Variants in SP3 observed in about 807,000 individuals in gnomAD.
SP3 encodes the protein Sp3 transcription factor, also known as transcription factor Sp3.
In SP3, 10 loss-of-function variants were observed where a neutral mutation model predicts 70.3. The observed-to-expected ratio is 0.14, with a 90% confidence interval of 0.09 to 0.24. The LOEUF is 0.24. SP3 is among the 10% of genes least tolerant of loss of function. The pLI, the probability that SP3 is intolerant of heterozygous loss-of-function variation, is 1.00. For synonymous variants in SP3, 402 were observed against 333.5 expected (o/e 1.21, Z -2.24); for missense variants, 825 against 914.6 (o/e 0.90, Z 1.26).
intron 4 of SP3, among the ~76,000 whole-genome samples, chr2:173,949,586 A>C (rs547523291): frequency 6.6e-6 from 1 of 152,112 alleles, no homozygotes; most frequent in Non-Finnish European, 1.5e-5. Context: ...AAAAACACCT[A>C]AACAGTACCC....
chr2:173,958,269 TG>T (rs1355584351), intron 3 of SP3, among the ~76,000 whole-genome samples: 2 of 118,804 alleles, frequency 1.7e-5, no homozygotes, highest in Non-Finnish European at 3.4e-5. Context: ...GCACCTAAAG[TG>T]TTTTTTTTTT....
chr2:173,963,862 C>T lies in SP3; in HGVS notation c.178G>A (p.Ala60Thr), dbSNP rs767775725. 3 of 1,507,218 alleles carry T rather than the reference C, an allele frequency of 2.0e-6. No individual in the cohort carries two copies. The highest frequency in any genetic ancestry group is 2.7e-6 in the Non-Finnish European group (3 of 1,125,452). 93.4% of individuals were successfully genotyped at this position (1,507,218 alleles called of 1,614,324 possible). The stretch of plus-strand genomic sequence containing the variant: ...TTGCTGCAGGTAGCGGCCAGCAGAG[C>T]GAGCGGTGACGGCTGAGTGTCCTAC... Reference protein sequence around the residue: ...AAQDTQPSPLALLAATCSKIG... With the variant: ...AAQDTQPSPLTLLAATCSKIG... Residue 60 changes from alanine (A) to threonine (T), a missense_variant, in exon 3 of 7, where the codon GCT (alanine) becomes ACT (threonine). Ala to Thr is a moderately conservative substitution (Grantham distance 58). Around this residue, in one of 4 missense-constraint regions of SP3, gnomAD observed 678 missense variants for 651.6 expected, o/e 1.04. Transcript: ENST00000310015.
intron 4 of SP3, among the ~76,000 whole-genome samples, chr2:173,920,945 T>C (rs1689736763): frequency 6.6e-6 from 1 of 151,968 alleles, no homozygotes; most frequent in African/African-American, 2.4e-5. Context: ...GATAGAAGAG[T>C]GGTGACTGCC....
At position 173,955,569 on chromosome 2, in the gene SP3, G is replaced by A. The variant is rs774329460; in HGVS notation, c.943C>T (p.Arg315Trp). 14 of 1,613,898 alleles carry A rather than the reference G, an allele frequency of 8.7e-6. No homozygotes were observed. Among genetic ancestry groups the A allele is most frequent in the Admixed American group, 1.7e-5 (1 of 60,024 alleles). Residue 315 changes from arginine to tryptophan, a missense_variant, in exon 4 of 7, where the codon CGG becomes TGG. Physicochemically the swap from Arg to Trp is moderately radical, Grantham distance 101. Coordinates refer to ENST00000310015, the MANE Select transcript of SP3 (RefSeq NM_003111.5). The part of the protein sequence containing the change: ...SSDNSERTGE[R>W]VSPDINETNT... ...GTTTCATTAATATCAGGAGAAACCC[G>A]CTCACCAGTCCTTTCTGAATTGTCT...
intron 4 of SP3, among the ~76,000 whole-genome samples, chr2:173,938,828 T>C (rs1690281674): frequency 6.6e-6 from 1 of 152,198 alleles, no homozygotes; most frequent in Non-Finnish European, 1.5e-5. Flanking sequence ...TAATATACCA[T>C]TTATCACATT....
chr2:173,944,422 C>A lies in SP3; in HGVS notation c.1639+10451G>T, dbSNP rs182434131. On this transcript the variant is annotated intron_variant, in intron 4 of 6. Coordinates refer to ENST00000310015, the MANE Select transcript of SP3 (RefSeq NM_003111.5). ...TGGTGGCACACACCTGTAGTCCCAG[C>A]TAACTCAGGAGGATTGCTTGAGCCT... 9.8e-3 allele frequency among the ~76,000 whole-genome samples: 1,486 copies of A among 152,214 alleles called. 16 individuals carry two copies. Among genetic ancestry groups the A allele is most frequent in the South Asian group, 0.015 (70 of 4,814 alleles).
At chr2:173,948,016 T>C (rs554396954) in intron 4 of SP3, among the ~76,000 whole-genome samples, 1 of 152,160 alleles carries the variant, frequency 6.6e-6, no homozygotes, top group Admixed American at 6.5e-5. Context: ...ATTTAAGTCA[T>C]ACCTCAGGAT....
At chr2:173,960,107 C>G (rs1211811956) in intron 3 of SP3, among the ~76,000 whole-genome samples, 2 of 152,162 alleles carry the variant, frequency 1.3e-5, no homozygotes, top group Non-Finnish European at 2.9e-5. Flanking sequence ...GTGGTTGAGG[C>G]TGCAGTGAGT....
intron 3 of SP3, among the ~76,000 whole-genome samples, chr2:173,956,596 G>C (rs746546632): frequency 7.2e-5 from 11 of 152,202 alleles, no homozygotes; most frequent in Admixed American, 5.2e-4. Context: ...GTATAAAAAG[G>C]AAACATAAGC....
chr2:173,939,166 C>A (rs374146427), intron 4 of SP3, among the ~76,000 whole-genome samples: 13 of 152,126 alleles, frequency 8.5e-5, no homozygotes, highest in African/African-American at 3.1e-4. Flanking sequence ...CAGTATCTGG[C>A]ATGCACAGCA....
intron 5 of SP3, among the ~76,000 whole-genome samples, chr2:173,917,361 G>A (rs1689640223): frequency 6.6e-6 from 1 of 152,074 alleles, no homozygotes; most frequent in African/African-American, 2.4e-5. Context: ...AGGATCAGAT[G>A]TAGAAGGAGA....
intron 4 of SP3, among the ~76,000 whole-genome samples, chr2:173,952,257 T>C (rs1239341997): frequency 1.3e-5 from 2 of 151,978 alleles, no homozygotes; most frequent in Non-Finnish European, 2.9e-5. Flanking sequence ...AAAAAAGTGG[T>C]TTTTTAAAGA....
In SP3 at chr2:173,903,779, C is replaced by T. The variant is rs887899431; in HGVS notation, c.*6162G>A. On this transcript the variant is annotated 3_prime_UTR_variant, in exon 7 of 7. Coordinates refer to ENST00000310015, the MANE Select transcript of SP3 (RefSeq NM_003111.5). ...TGAAACTGTAGAGGGACTTCTAAGG[C>T]TTTTAATCAGTTTTCTTGGACACAT... Among the ~76,000 whole-genome samples the T allele has an allele frequency of 6.6e-6, 1 of 152,166 alleles. No homozygotes were observed. Among genetic ancestry groups the T allele is most frequent in the Non-Finnish European group, 1.5e-5 (1 of 68,038 alleles).
intron 4 of SP3, among the ~76,000 whole-genome samples, chr2:173,932,303 T>A (rs11902916): frequency 0.33 from 50,253 of 152,016 alleles, 8,842 homozygotes; most frequent in Non-Finnish European, 0.38. Flanking sequence ...GCAATTGTTC[T>A]GCCTCAGCCT....
Position 173,964,231 on chromosome 2 carries a change from G to C in SP3, c.156+174C>G, listed in dbSNP as rs1270938834. 12 of 480,260 alleles carry C rather than the reference G, an allele frequency of 2.5e-5. No individual in the cohort carries two copies. The East Asian group carries it at 3.2e-4, about 13-fold the overall frequency. 29.7% of individuals were successfully genotyped at this position (480,260 alleles called of 1,614,324 possible). On this transcript the variant is annotated intron_variant, in intron 2 of 6. Transcript: ENST00000310015. ...GCAGGCGGGCGAGGCGGGGCGGCGC[G>C]GGCGGGGTCGGAGCGTTGGCGCCTC...
intron 4 of SP3, among the ~76,000 whole-genome samples, chr2:173,931,550 G>C (rs867233950): frequency 3.4e-4 from 43 of 126,248 alleles, no homozygotes; most frequent in Non-Finnish European, 1.1e-4. Context: ...CACCATATTG[G>C]CCAGGCTGGT....
chr2:173,917,990 GTTTT>G lies in SP3; in HGVS notation c.1832+599_1832+602del, dbSNP rs199624356. Among the ~76,000 whole-genome samples the G allele has an allele frequency of 1.9e-4, 26 of 136,898 alleles. 1 individual carries two copies. The highest frequency in any genetic ancestry group is 6.7e-4 in the African/African-American group (25 of 37,226). 89.8% of individuals were successfully genotyped at this position (136,898 alleles called of 152,430 possible). A position where few individuals can be genotyped will look rare whatever the true frequency, so the allele number is the denominator to read the frequency against. Reference sequence around the variant, plus strand: ...TATAATTAACATCAGTCTGGATCTTGTTTTTTTTTTTAAAAAAAATATGATCTGA... The same window carrying G: ...TATAATTAACATCAGTCTGGATCTTGTTTTTTTAAAAAAAATATGATCTGA... On this transcript the variant is annotated intron_variant, in intron 5 of 6. Transcript: ENST00000310015.
Position 173,954,858 on chromosome 2 carries a change from T to A in SP3, c.1639+15A>T. ...CACTGAACTTATTTATGGCATGACA[T>A]AACTTAAGACTCACCTGCAGGACTG... On this transcript the variant is annotated intron_variant, in intron 4 of 6. Transcript: ENST00000310015. The A allele has an allele frequency of 6.2e-7, 1 of 1,600,936 alleles. No individual in the cohort carries two copies. The highest frequency in any genetic ancestry group is 8.5e-7 in the Non-Finnish European group (1 of 1,169,944).
chr2:173,927,668 C>T (rs183894559), intron 4 of SP3, among the ~76,000 whole-genome samples: 1 of 152,244 alleles, frequency 6.6e-6, no homozygotes, highest in East Asian at 1.9e-4. Flanking sequence ...ACTTGAGATC[C>T]TTTTAAGCTT....
Sources: allele counts gnomAD v4.1 joint callset (sites outside exome capture counted in the v4.1 genomes callset), GRCh38; gene constraint gnomAD v4.1.1; regional missense constraint gnomAD v4.1.1; transcripts MANE v1.5; gene names NCBI Gene and HGNC (gene_info 2026-07-23, HGNC 2026-07-21).